Variants in KIAA1549L observed in about 807,000 individuals in gnomAD.
KIAA1549L encodes the protein UPF0606 protein KIAA1549L.
KIAA1549L carries 88 observed loss-of-function variants against 160.7 expected under a neutral mutation model. That is an observed-to-expected ratio of 0.55 (90% CI 0.46 to 0.65). KIAA1549L has a LOEUF of 0.65. Among genes scored for constraint, KIAA1549L ranks in the 30% least tolerant of loss-of-function variants. KIAA1549L has a pLI of 0.00. For missense variants in KIAA1549L, 2,258 were observed against 2,437.5 expected, an observed-to-expected ratio of 0.93 and a Z score of 1.55; for synonymous variants, 950 against 976.7, an observed-to-expected ratio of 0.97 and a Z score of 0.51.
At chr11:33,536,837 C>T (rs569863556) in intron 1 of KIAA1549L, among the ~76,000 whole-genome samples, 1 of 152,346 alleles carries the variant, frequency 6.6e-6, no homozygotes, top group South Asian at 2.1e-4. Flanking sequence ...CGTCTTGAGC[C>T]TGGACCACTG....
chr11:33,576,859 G>C (rs149587218), intron 10 of KIAA1549L, among the ~76,000 whole-genome samples: 2 of 152,266 alleles, frequency 1.3e-5, no homozygotes, highest in African/African-American at 2.4e-5. Flanking sequence ...TGGGAGTTTG[G>C]TTGTAGACGT....
chr11:33,405,727 A>G (rs1041046115), intron 1 of KIAA1549L, among the ~76,000 whole-genome samples: 1 of 150,322 alleles, frequency 6.7e-6, no homozygotes, highest in African/African-American at 2.4e-5. Context: ...CTGTAGTCCC[A>G]GCTACTCAAT....
intron 9 of KIAA1549L, among the ~76,000 whole-genome samples, chr11:33,568,527 A>G (rs1855134648): frequency 1.3e-5 from 2 of 152,228 alleles, no homozygotes. Context: ...AATTCTTGGT[A>G]AGCAAGGACA....
chr11:33,646,162 G>A, intron 17 of KIAA1549L, 126 bp downstream of exon 17: 1 of 726,108 alleles, frequency 1.4e-6, no homozygotes, highest in East Asian at 2.7e-5. Context: ...ACTATGCCAG[G>A]CCCTCATCCC....
chr11:33,606,506 C>G, intron 13 of KIAA1549L, 135 bp from the exon 14 acceptor site: 1 of 793,652 alleles, frequency 1.3e-6, no homozygotes, highest in Non-Finnish European at 2.0e-6. Context: ...GTCCTTGGCA[C>G]AGAAGCAGAT....
rs1399304078 is a variant in KIAA1549L, at chr11:33,409,844, G to A, written c.238+32955G>A. ...CTAGGTCCTCAGGGCATTTTGAGATGAGATTTGGAAGGAAAACTCAATACA... is the reference window on the plus strand; with the variant it reads ...CTAGGTCCTCAGGGCATTTTGAGATAAGATTTGGAAGGAAAACTCAATACA... On this transcript the variant is annotated intron_variant, in intron 1 of 20. Transcript: ENST00000658780. Among the ~76,000 whole-genome samples, 3 of 147,822 alleles carry A rather than the reference G, an allele frequency of 2.0e-5. No homozygotes were observed. In the East Asian group the frequency reaches 6.0e-4, roughly 30 times the overall value.
chr11:33,444,192 ATAT>A (rs1277922835), intron 1 of KIAA1549L, among the ~76,000 whole-genome samples: 2 of 152,214 alleles, frequency 1.3e-5, no homozygotes, highest in Non-Finnish European at 2.9e-5. Flanking sequence ...ATAGAATGAA[ATAT>A]TATTTATTCA....
At chr11:33,547,920 C>G (rs1243023603) in intron 4 of KIAA1549L, 41 bp downstream of exon 4, 3 of 1,297,106 alleles carry the variant, frequency 2.3e-6, no homozygotes, top group Non-Finnish European at 3.3e-6. Context: ...CCATCACAGT[C>G]TGGCTCTTGG....
intron 1 of KIAA1549L, among the ~76,000 whole-genome samples, chr11:33,486,809 G>A (rs900036580): frequency 6.6e-6 from 1 of 152,102 alleles, no homozygotes; most frequent in Admixed American, 6.5e-5. Context: ...ATTTCTGATG[G>A]TGATCAGGTA....
At chr11:33,648,262 C>G (rs559021433) in intron 17 of KIAA1549L, among the ~76,000 whole-genome samples, 3 of 152,136 alleles carry the variant, frequency 2.0e-5, no homozygotes. Flanking sequence ...TCCCAAAGTG[C>G]TGGGATTACA....
chr11:33,658,892 T>C lies in KIAA1549L; in HGVS notation c.6001T>C (p.Tyr2001His), dbSNP rs1188454814. 1 of 1,552,800 alleles carries C rather than the reference T, an allele frequency of 6.4e-7. No individual in the cohort carries two copies. Among genetic ancestry groups the C allele is most frequent in the African/African-American group, 1.4e-5 (1 of 73,128 alleles). The change falls in exon 19 of 21, where the codon TAC becomes CAC. Residue 2001 changes from tyrosine to histidine, a missense_variant. Around this residue, in one of 6 missense-constraint regions of KIAA1549L, gnomAD observed 1,359 missense variants for 1,546.6 expected, o/e 0.88. Coordinates refer to ENST00000658780, the MANE Select transcript of KIAA1549L (RefSeq NM_012194.3). ...VTQLDQSALN[Y>H]SGNTVPAVFA... ...GCAGTTGGATCAGTCGGCTTTAAATTACTCAGGTGGGCAAGAGAAAAGCCC... is the reference window on the plus strand; with the variant it reads ...GCAGTTGGATCAGTCGGCTTTAAATCACTCAGGTGGGCAAGAGAAAAGCCC...
intron 6 of KIAA1549L, among the ~76,000 whole-genome samples, chr11:33,553,321 T>C (rs1854534930): frequency 7.6e-6 from 1 of 131,074 alleles, no homozygotes; most frequent in South Asian, 2.4e-4. Flanking sequence ...TTTTTTTTTT[T>C]GCAACTACGT....
At chr11:33,512,942 A>C in intron 1 of KIAA1549L, among the ~76,000 whole-genome samples, 1 of 152,206 alleles carries the variant, frequency 6.6e-6, no homozygotes, top group East Asian at 1.9e-4. Flanking sequence ...GACAGAAAAG[A>C]AAGTGGAGAG....
chr11:33,505,807 C>T (rs1853071477), intron 1 of KIAA1549L, among the ~76,000 whole-genome samples: 1 of 152,158 alleles, frequency 6.6e-6, no homozygotes, highest in South Asian at 2.1e-4. Context: ...AGATTTTTGG[C>T]ACCTGGGAGT....
At chr11:33,538,091 G>A (rs977700044) in intron 1 of KIAA1549L, among the ~76,000 whole-genome samples, 2 of 152,198 alleles carry the variant, frequency 1.3e-5, no homozygotes, top group Non-Finnish European at 2.9e-5. Context: ...AAGGTGAAGG[G>A]GAAGCAAGGC....
intron 16 of KIAA1549L, among the ~76,000 whole-genome samples, chr11:33,623,160 G>A (rs984947829): frequency 6.6e-6 from 1 of 152,172 alleles, no homozygotes; most frequent in South Asian, 2.1e-4. Context: ...TTACAGCTTT[G>A]GCGTAACAGT....
At chr11:33,652,103 G>C (rs1206868059) in intron 17 of KIAA1549L, among the ~76,000 whole-genome samples, 1 of 151,340 alleles carries the variant, frequency 6.6e-6, no homozygotes, top group Non-Finnish European at 1.5e-5. Flanking sequence ...GACCCCAAAA[G>C]ACGGGGTCCT....
chr11:33,376,960 T>G lies in KIAA1549L; in HGVS notation c.238+71T>G, dbSNP rs1849967499. On this transcript the variant is annotated intron_variant, in intron 1 of 20. Coordinates refer to ENST00000658780, the MANE Select transcript of KIAA1549L (RefSeq NM_012194.3). This position sits in a 1 kb window ranked among gnomAD's most constrained non-coding sequence, Gnocchi z 5.8. ...GGGGCGGCGGGACGGGACCCACACC[T>G]GCCCAGGTGGCGGTGGAGAGGTATT... The G allele has an allele frequency of 6.6e-6, 1 of 152,226 alleles. No individual in the cohort carries two copies. The highest frequency in any genetic ancestry group is 2.4e-5 in the African/African-American group (1 of 41,444). 9.4% of individuals were successfully genotyped at this position (152,226 alleles called of 1,614,324 possible).
Position 33,542,172 on chromosome 11 carries a change from C to T in KIAA1549L, c.609C>T (p.Pro203=), listed in dbSNP as rs1261266856. 1 of 617,740 alleles carries T rather than the reference C, an allele frequency of 1.6e-6. No individual in the cohort carries two copies. The highest frequency in any genetic ancestry group is 2.1e-5 in the Admixed American group (1 of 47,268). 38.3% of individuals were successfully genotyped at this position (617,740 alleles called of 1,614,324 possible). A position where few individuals can be genotyped will look rare whatever the true frequency, so the allele number is the denominator to read the frequency against. The change falls in exon 2 of 21, where the codon CCC becomes CCT. Residue 203 remains proline (P), a synonymous_variant. Coordinates refer to ENST00000658780, the MANE Select transcript of KIAA1549L (RefSeq NM_012194.3). ...VSGLPLTSML[P]SLSTVPSGTS... Reference sequence around the variant, plus strand: ...GTTTGCCTCTCACCAGCATGCTCCCCTCGTTGTCCACAGTCCCATCAGGGA... The same window carrying T: ...GTTTGCCTCTCACCAGCATGCTCCCTTCGTTGTCCACAGTCCCATCAGGGA...
Sources: allele counts gnomAD v4.1 joint callset (sites outside exome capture counted in the v4.1 genomes callset), GRCh38; gene constraint gnomAD v4.1.1; regional missense constraint gnomAD v4.1.1; non-coding constraint Gnocchi (gnomAD v3.1); transcripts MANE v1.5; gene names NCBI Gene and HGNC (gene_info 2026-07-23, HGNC 2026-07-21).